OR2L2: variants seen among roughly 807,000 people sequenced by gnomAD.
The protein encoded by OR2L2 is olfactory receptor 2L2.
For synonymous variants in OR2L2, 156 were observed against 135.4 expected (o/e 1.15, Z -1.06); for missense variants, 378 against 375.2 (o/e 1.01, Z -0.06).
At chr1:248,032,205 T>C (rs1326710911) in intron 1 of OR2L2, among the ~76,000 whole-genome samples, 2 of 152,152 alleles carry the variant, frequency 1.3e-5, no homozygotes, top group Non-Finnish European at 2.9e-5. Flanking sequence ...AATAAATTGC[T>C]CTGTAGAGGC....
chr1:248,032,499 A>G (rs933348628), intron 1 of OR2L2, among the ~76,000 whole-genome samples: 1 of 152,060 alleles, frequency 6.6e-6, no homozygotes, highest in African/African-American at 2.4e-5. Context: ...TTCTCTACAC[A>G]ATTATTCTCC....
intron 1 of OR2L2, among the ~76,000 whole-genome samples, chr1:248,034,630 G>A (rs928674210): frequency 1.3e-5 from 2 of 152,088 alleles, no homozygotes; most frequent in Non-Finnish European, 2.9e-5. Flanking sequence ...CCATTTATCT[G>A]TGTCTTCTTT....
rs1662872594 is a variant in OR2L2, at chr1:248,039,220, GT to G, written c.*16del. The G allele has an allele frequency of 6.3e-7, 1 of 1,591,652 alleles. No homozygotes were observed. The highest frequency in any genetic ancestry group is 1.3e-5 in the African/African-American group (1 of 74,368). On this transcript the variant is annotated 3_prime_UTR_variant, in exon 3 of 3. Transcript: ENST00000641771. ...GTGAAAATGTAGACATACGTTCTGT[GT>G]TAGAGTCAAAGCGCTAGGTTCATAT...
intron 2 of OR2L2, among the ~76,000 whole-genome samples, chr1:248,036,532 T>C (rs1040150744): frequency 2.6e-5 from 4 of 151,912 alleles, no homozygotes; most frequent in Admixed American, 1.3e-4. Flanking sequence ...GTGTTCATCT[T>C]TGTGTGTGTG....
chr1:248,041,919 A>G lies in OR2L2; in HGVS notation c.*2713A>G, dbSNP rs774560651. On this transcript the variant is annotated 3_prime_UTR_variant, in exon 3 of 3. Coordinates refer to ENST00000641771, the MANE Select transcript of OR2L2 (RefSeq NM_001385855.1). The stretch of plus-strand genomic sequence containing the variant: ...TACACTGTTGTTGGGACTGTAAACT[A>G]GTTCAACCATTGTGGAAGTCAGTGT... 1.3e-5 allele frequency: 2 copies of G among 152,208 alleles called. No homozygotes were observed. Among genetic ancestry groups the G allele is most frequent in the African/African-American group, 4.8e-5 (2 of 41,452 alleles). The allele number at this position is 152,208 out of a possible 1,614,324, so 9.4% of individuals were successfully genotyped here.
intron 1 of OR2L2, among the ~76,000 whole-genome samples, chr1:248,032,298 ATTTT>A (rs1662639017): frequency 6.6e-6 from 1 of 152,024 alleles, no homozygotes; most frequent in African/African-American, 2.4e-5. Context: ...TGTTTTTATT[ATTTT>A]TTATTTCTTA....
At chr1:248,031,409 G>C (rs1662617625) in intron 1 of OR2L2, among the ~76,000 whole-genome samples, 1 of 152,186 alleles carries the variant, frequency 6.6e-6, no homozygotes, top group South Asian at 2.1e-4. Context: ...TAGAAAGAAA[G>C]ACTTTTTCTT....
At chr1:248,033,613 T>G (rs1200855256) in intron 1 of OR2L2, among the ~76,000 whole-genome samples, 2 of 151,612 alleles carry the variant, frequency 1.3e-5, no homozygotes, top group Non-Finnish European at 2.9e-5. Context: ...ATTTTTGTTT[T>G]TTTTTTTTTG....
intron 1 of OR2L2, among the ~76,000 whole-genome samples, chr1:248,032,213 G>A (rs191253514): frequency 6.6e-6 from 1 of 152,076 alleles, no homozygotes; most frequent in Non-Finnish European, 1.5e-5. Flanking sequence ...GCTCTGTAGA[G>A]GCTCAGAAAC....
In OR2L2 at chr1:248,038,337, C is replaced by T; in HGVS notation, c.70C>T (p.Leu24Phe). The change falls in exon 3 of 3, where the codon CTT (leucine) becomes TTT (phenylalanine). Residue 24 changes from leucine (L) to phenylalanine (F), a missense_variant. By Grantham distance (22) the Leu-to-Phe change is conservative. Transcript: ENST00000641771. ...GCTGTTCCCACAATCAAGAATTGGC[C>T]TTTTCGTATTCACCCTCATTTTTCT... ...LGLFPQSRIGLFVFTLIFLIF... is the reference protein window; with the variant it reads ...LGLFPQSRIGFFVFTLIFLIF... 6.2e-7 allele frequency: 1 copy of T among 1,613,544 alleles called. No homozygotes were observed. Among genetic ancestry groups the T allele is most frequent in the Admixed American group, 1.7e-5 (1 of 59,996 alleles).
At chr1:248,032,389 A>C (rs1420421564) in intron 1 of OR2L2, among the ~76,000 whole-genome samples, 1 of 152,140 alleles carries the variant, frequency 6.6e-6, no homozygotes, top group African/African-American at 2.4e-5. Context: ...AAACTATTTT[A>C]AGTGTTCAGG....
chr1:248,034,425 A>C (rs1485334045), intron 1 of OR2L2, among the ~76,000 whole-genome samples: 1 of 152,126 alleles, frequency 6.6e-6, no homozygotes, highest in Non-Finnish European at 1.5e-5. Context: ...TTGTCCTTAA[A>C]AAAACGTTTT....
At chr1:248,037,944 G>A (rs1662811073) in intron 2 of OR2L2, among the ~76,000 whole-genome samples, 1 of 152,052 alleles carries the variant, frequency 6.6e-6, no homozygotes, top group South Asian at 2.1e-4. Context: ...GTCATCACAA[G>A]AAAAATGAGC....
At chr1:248,037,068 T>C (rs1662782562) in intron 2 of OR2L2, among the ~76,000 whole-genome samples, 2 of 152,084 alleles carry the variant, frequency 1.3e-5, no homozygotes, top group Non-Finnish European at 2.9e-5. Flanking sequence ...AACTTGAGAA[T>C]TCAGAAATTG....
chr1:248,032,686 T>A (rs1662650687), intron 1 of OR2L2, among the ~76,000 whole-genome samples: 2 of 152,234 alleles, frequency 1.3e-5, no homozygotes, highest in African/African-American at 4.8e-5. Context: ...TCAAAATTTC[T>A]TTCATTTTAA....
intron 1 of OR2L2, among the ~76,000 whole-genome samples, chr1:248,034,806 G>A (rs1455202561): frequency 6.6e-6 from 1 of 152,104 alleles, no homozygotes; most frequent in Non-Finnish European, 1.5e-5. Flanking sequence ...TGAAGCCTAG[G>A]TTCAGAACAG....
chr1:248,035,904 A>G (rs895030052), intron 2 of OR2L2, among the ~76,000 whole-genome samples: 2 of 152,204 alleles, frequency 1.3e-5, no homozygotes, highest in Non-Finnish European at 2.9e-5. Context: ...TTAAATACAT[A>G]AAATATATAC....
rs143517168 is a variant in OR2L2 at position 248,038,121 on chromosome 1, T to C, written c.-21-126T>C. 2.1e-3 allele frequency: 1,187 copies of C among 577,994 alleles called. 16 individuals carry two copies. Among genetic ancestry groups the C allele is most frequent in the African/African-American group, 0.02 (1,092 of 53,540 alleles). The allele number at this position is 577,994 out of a possible 1,614,324, so 35.8% of individuals were successfully genotyped here. A position where few individuals can be genotyped will look rare whatever the true frequency, so the allele number is the denominator to read the frequency against. On this transcript the variant is annotated intron_variant, in intron 2 of 2. Coordinates refer to ENST00000641771, the MANE Select transcript of OR2L2 (RefSeq NM_001385855.1). The stretch of plus-strand genomic sequence containing the variant: ...AGTTTATAATATGCATTTATGGATA[T>C]AAAAATAGTTTATATAGGGTTCAGT...
At chr1:248,033,633 G>C (rs1028033148) in intron 1 of OR2L2, among the ~76,000 whole-genome samples, 1 of 150,184 alleles carries the variant, frequency 6.7e-6, no homozygotes, top group African/African-American at 2.5e-5. Flanking sequence ...GTACAGACAG[G>C]ATTTTACCAT....
Sources: allele counts gnomAD v4.1 joint callset (sites outside exome capture counted in the v4.1 genomes callset), GRCh38; gene constraint gnomAD v4.1.1; transcripts MANE v1.5; gene names NCBI Gene and HGNC (gene_info 2026-07-23, HGNC 2026-07-21).